Variants in MMP15 observed in about 807,000 individuals in gnomAD.
MMP15 encodes the protein matrix metalloproteinase-15.
In MMP15, 36 loss-of-function variants were observed where a neutral mutation model predicts 65.0. The ratio of observed to expected loss-of-function variants is 0.55; its 90% CI spans 0.42 to 0.73. The LOEUF is 0.73. Among genes scored for constraint, MMP15 ranks in the 30% least tolerant of loss-of-function variants. The probability of loss-of-function intolerance (pLI) is 0.00; values close to 1 mark genes in which losing one functional copy is unlikely to be tolerated. For missense variants in MMP15, 870 were observed against 987.8 expected (o/e 0.88, Z 1.60); for synonymous variants, 428 against 410.2 (o/e 1.04, Z -0.52).
At position 58,041,605 on chromosome 16, in the gene MMP15, G is replaced by A; in HGVS notation, c.911-12G>A. 6.4e-7 allele frequency: 1 copy of A among 1,569,302 alleles called. No individual in the cohort carries two copies. Among genetic ancestry groups the A allele is most frequent in the African/African-American group, 1.4e-5 (1 of 73,514 alleles). ...ACACAGACCTCACTTCTGAACCCCT[G>A]CCTCTCTGCAGGTACCCCAGACGGT... is the stretch of plus-strand genomic sequence containing the variant. On this transcript the variant is annotated splice_polypyrimidine_tract_variant and intron_variant, in intron 5 of 9. Coordinates refer to ENST00000219271, the MANE Select transcript of MMP15 (RefSeq NM_002428.4).
rs111375339 is a variant in MMP15 at position 58,042,201 on chromosome 16, C to T, written c.1165-30C>T. On this transcript the variant is annotated intron_variant, in intron 6 of 9. Transcript: ENST00000219271. Reference sequence around the variant, plus strand: ...TCTCCCGGCCAAGGCAGCTTGCCTGCGCTGCCCGCTCACACTATGCCCTCC... The same window carrying T: ...TCTCCCGGCCAAGGCAGCTTGCCTGTGCTGCCCGCTCACACTATGCCCTCC... 4.7e-5 allele frequency: 75 copies of T among 1,600,340 alleles called. No individual in the cohort carries two copies. The African/African-American group carries it at 7.2e-4, about 15-fold the overall frequency.
intron 3 of MMP15, among the ~76,000 whole-genome samples, chr16:58,039,231 G>A (rs1383264556): frequency 2.0e-5 from 3 of 152,190 alleles, no homozygotes; most frequent in South Asian, 2.1e-4. Flanking sequence ...TCGGGAGTTC[G>A]AAACCAGCCT....
intron 1 of MMP15, among the ~76,000 whole-genome samples, chr16:58,029,123 G>A (rs887099307): frequency 4.6e-5 from 7 of 152,160 alleles, no homozygotes; most frequent in Non-Finnish European, 8.8e-5. Context: ...CGATCCACCC[G>A]CCTTTCCTCA....
Position 58,040,594 on chromosome 16 carries a change from A to G in MMP15, c.806A>G (p.His269Arg). 1 of 1,613,998 alleles carries G rather than the reference A, an allele frequency of 6.2e-7. No homozygotes were observed. The highest frequency in any genetic ancestry group is 1.3e-5 in the African/African-American group (1 of 75,018). ...CTGGGCCACGCGCTGGGGCTGGAGC[A>G]CTCCAGCAACCCCAATGCCATCATG... The part of the protein sequence containing the change: ...HELGHALGLE[H>R]SSNPNAIMAP... Residue 269 changes from histidine to arginine, a missense_variant, in exon 5 of 10, where the codon CAC (histidine) becomes CGC (arginine). By Grantham distance (29) the His-to-Arg change is conservative. Transcript: ENST00000219271.
intron 1 of MMP15, among the ~76,000 whole-genome samples, chr16:58,035,360 C>T (rs367869122): frequency 2.6e-5 from 4 of 152,312 alleles, no homozygotes; most frequent in African/African-American, 9.6e-5. Flanking sequence ...CTGCCTCCCT[C>T]CACTCTGGGG....
intron 1 of MMP15, among the ~76,000 whole-genome samples, chr16:58,027,401 G>A (rs983487146): frequency 3.9e-5 from 6 of 152,216 alleles, no homozygotes; most frequent in Non-Finnish European, 5.9e-5. Context: ...TCTTGCCCCA[G>A]AGCAAGAGCA....
intron 1 of MMP15, among the ~76,000 whole-genome samples, chr16:58,033,131 C>G (rs983913966): frequency 3.3e-5 from 5 of 152,230 alleles, no homozygotes; most frequent in African/African-American, 1.2e-4. Context: ...CCAACCCTCT[C>G]AGCAGCCAGT....
At position 58,026,525 on chromosome 16, in the gene MMP15, C is replaced by A; in HGVS notation, c.162+13C>A. The A allele has an allele frequency of 7.6e-7, 1 of 1,318,040 alleles. No individual in the cohort carries two copies. 81.6% of individuals were successfully genotyped at this position (1,318,040 alleles called of 1,614,324 possible). On this transcript the variant is annotated intron_variant, in intron 1 of 9. Transcript: ENST00000219271. ...GGTCCATGCCGAGGTAAGACCCCCG[C>A]CCTGCCCTTTGGCTGCGGGCTGGGG... is the stretch of plus-strand genomic sequence containing the variant.
intron 1 of MMP15, among the ~76,000 whole-genome samples, chr16:58,029,545 A>G (rs1359818515): frequency 6.6e-6 from 1 of 152,214 alleles, no homozygotes; most frequent in African/African-American, 2.4e-5. Context: ...TGGCACAGCC[A>G]GGGACCTAGA....
At chr16:58,037,765 T>C in intron 2 of MMP15, 145 bp downstream of exon 2, 1 of 1,225,762 alleles carries the variant, frequency 8.2e-7, no homozygotes, top group South Asian at 1.5e-5. Flanking sequence ...TCACTTCTGA[T>C]TGGTTGGAGT....
chr16:58,032,008 C>T (rs1350270544), intron 1 of MMP15, among the ~76,000 whole-genome samples: 2 of 151,968 alleles, frequency 1.3e-5, no homozygotes. Flanking sequence ...GCTGGGACTA[C>T]AGGCGCTGCC....
At chr16:58,034,906 C>T (rs897608250) in intron 1 of MMP15, among the ~76,000 whole-genome samples, 2 of 151,476 alleles carry the variant, frequency 1.3e-5, no homozygotes, top group African/African-American at 4.8e-5. Context: ...TTGCTTTCCT[C>T]CCCAGGGCCC....
intron 1 of MMP15, among the ~76,000 whole-genome samples, chr16:58,034,777 CTG>C (rs1203214605): frequency 2.6e-5 from 4 of 152,166 alleles, no homozygotes; most frequent in African/African-American, 4.8e-5. Flanking sequence ...TACTGTTTCT[CTG>C]TGTGGAGGGT....
chr16:58,038,890 C>G (rs568008146), intron 3 of MMP15, among the ~76,000 whole-genome samples: 23 of 152,326 alleles, frequency 1.5e-4, no homozygotes, highest in African/African-American at 5.3e-4. Context: ...CTCCATCTCC[C>G]AAGGAAGAGT....
Position 58,045,085 on chromosome 16 carries a change from A to C in MMP15, c.1649A>C (p.Lys550Thr). 3.7e-6 allele frequency: 6 copies of C among 1,612,950 alleles called. No homozygotes were observed. The highest frequency in any genetic ancestry group is 4.2e-6 in the Non-Finnish European group (5 of 1,179,750). ...ERLRMEPGYP[K>T]SILRDFMGCQ... The stretch of plus-strand genomic sequence containing the variant: ...CTGCGGATGGAGCCCGGCTACCCCA[A>C]GTCCATCCTGCGGGACTTCATGGGC... Residue 550 changes from lysine to threonine, a missense_variant, in exon 10 of 10, where the codon AAG becomes ACG. Lys to Thr is a moderately conservative substitution (Grantham distance 78). Coordinates refer to ENST00000219271, the MANE Select transcript of MMP15 (RefSeq NM_002428.4).
At position 58,045,157 on chromosome 16, in the gene MMP15, G is replaced by A. The variant is rs774426363; in HGVS notation, c.1721G>A (p.Arg574Gln). The change falls in exon 10 of 10, where the codon CGG becomes CAG. Residue 574 changes from arginine to glutamine, a missense_variant. By Grantham distance (43) the Arg-to-Gln change is conservative. Transcript: ENST00000219271. ...GGCCCCCGATGGCCCGACGTGGCCC[G>A]GCCGCCCTTCAACCCCCACGGGGGT... ...EPGPRWPDVA[R>Q]PPFNPHGGAE... is the part of the protein sequence containing the mutation. 22 of 1,596,176 alleles carry A rather than the reference G, an allele frequency of 1.4e-5. No individual in the cohort carries two copies. The highest frequency in any genetic ancestry group is 6.8e-5 in the East Asian group (3 of 44,140).
chr16:58,040,738 C>G (rs775554018), intron 5 of MMP15, 40 bp downstream of exon 5: 1 of 1,613,134 alleles, frequency 6.2e-7, no homozygotes, highest in East Asian at 2.2e-5. Context: ...ATGCCGCTCT[C>G]AAGTCCCTGG....
intron 7 of MMP15, among the ~76,000 whole-genome samples, chr16:58,042,791 G>T (rs916174003): frequency 1.3e-5 from 2 of 152,242 alleles, no homozygotes; most frequent in African/African-American, 4.8e-5. Context: ...CTGAGCTTCA[G>T]TGAGGCAGGA....
At chr16:58,027,227 C>A (rs1963834830) in intron 1 of MMP15, among the ~76,000 whole-genome samples, 1 of 152,202 alleles carries the variant, frequency 6.6e-6, no homozygotes, top group African/African-American at 2.4e-5. Context: ...GAGGGTGGAC[C>A]CCGCGCCTCT....
Sources: allele counts gnomAD v4.1 joint callset (sites outside exome capture counted in the v4.1 genomes callset), GRCh38; gene constraint gnomAD v4.1.1; transcripts MANE v1.5; gene names NCBI Gene and HGNC (gene_info 2026-07-23, HGNC 2026-07-21).